The following SMARCA5 variants were observed in gnomAD, a reference collection of about 807,000 sequenced individuals.
SMARCA5 encodes SWI/SNF-related matrix-associated actin-dependent regulator of chromatin subfamily A member 5.
A neutral mutation model predicts 140.4 loss-of-function variants in SMARCA5; 18 were observed. That is an observed-to-expected ratio of 0.13 (90% CI 0.09 to 0.19). The LOEUF (loss-of-function observed/expected upper bound fraction) is 0.19. Among genes scored for constraint, SMARCA5 ranks in the 10% least tolerant of loss-of-function variants. The pLI, the probability that SMARCA5 is intolerant of heterozygous loss-of-function variation, is 1.00. For missense variants in SMARCA5, 606 were observed against 1,276.8 expected, an observed-to-expected ratio of 0.47 and a Z score of 8.01; for synonymous variants, 449 against 419.6, an observed-to-expected ratio of 1.07 and a Z score of -0.86.
chr4:143,535,177 G>C (rs367562641), intron 10 of SMARCA5, among the ~76,000 whole-genome samples: 1 of 152,128 alleles, frequency 6.6e-6, no homozygotes, highest in Admixed American at 6.6e-5. Context: ...AGGATGGAAG[G>C]CTTATGAATC....
At chr4:143,531,124 T>C (rs1737175457) in intron 9 of SMARCA5, among the ~76,000 whole-genome samples, 1 of 152,212 alleles carries the variant, frequency 6.6e-6, no homozygotes, top group Non-Finnish European at 1.5e-5. Flanking sequence ...CCGGCCTTAA[T>C]AGACAAGTTT....
At chr4:143,532,350 C>T (rs1159023687) in intron 9 of SMARCA5, among the ~76,000 whole-genome samples, 2 of 151,938 alleles carry the variant, frequency 1.3e-5, no homozygotes, top group Admixed American at 6.6e-5. Flanking sequence ...ATTTTTTTCC[C>T]CTTATTCCTC....
intron 1 of SMARCA5, among the ~76,000 whole-genome samples, chr4:143,515,556 A>G (rs894456717): frequency 6.6e-6 from 1 of 152,190 alleles, no homozygotes; most frequent in Non-Finnish European, 1.5e-5. Flanking sequence ...CTGCCATCCA[A>G]ACTTTGGAAA....
chr4:143,540,409 G>A lies in SMARCA5; in HGVS notation c.1817G>A (p.Arg606His), dbSNP rs868118261. 2 of 1,612,066 alleles carry A rather than the reference G, an allele frequency of 1.2e-6. No individual in the cohort carries two copies. The highest frequency in any genetic ancestry group is 1.7e-6 in the Non-Finnish European group (2 of 1,178,442). The part of the protein sequence containing the change: ...IGQTKTVRVF[R>H]FITDNTVEER... ...CAGACTAAGACAGTCAGAGTGTTCCGCTTTATAACTGATAACACTGTAGAA... is the reference window on the plus strand; with the variant it reads ...CAGACTAAGACAGTCAGAGTGTTCCACTTTATAACTGATAACACTGTAGAA... The change falls in exon 14 of 24, where the codon CGC becomes CAC. Residue 606 changes from arginine to histidine, a missense_variant. By Grantham distance (29) the Arg-to-His change is conservative (BLOSUM62 0). Around this residue, in one of 10 missense-constraint regions of SMARCA5, gnomAD observed 62 missense variants for 256.6 expected, o/e 0.24. Transcript: ENST00000283131.
In SMARCA5 at chr4:143,519,650, C is replaced by G. The variant is rs72938219; in HGVS notation, c.253-1779C>G. 2.9e-3 allele frequency among the ~76,000 whole-genome samples: 435 copies of G among 152,228 alleles called. 5 individuals are homozygous for G. Among genetic ancestry groups the G allele is most frequent in the African/African-American group, 9.3e-3 (388 of 41,550 alleles). ...AGTTTTCTTCTAAGCAAGAAGCTCCCTTGTCATCTGCTAGTTCTAACCATA... is the reference window on the plus strand; with the variant it reads ...AGTTTTCTTCTAAGCAAGAAGCTCCGTTGTCATCTGCTAGTTCTAACCATA... On this transcript the variant is annotated intron_variant, in intron 2 of 23. Transcript: ENST00000283131.
chr4:143,526,751 C>T (rs1212914234), intron 6 of SMARCA5, among the ~76,000 whole-genome samples: 2 of 151,924 alleles, frequency 1.3e-5, no homozygotes, highest in Non-Finnish European at 2.9e-5. Flanking sequence ...GTAGTCCCAG[C>T]TACTTGGTAG....
Position 143,513,933 on chromosome 4 carries a change from C to A in SMARCA5, c.9C>A (p.Ser3=). ...GACGCAGACGGAACATCATGTCGTC[C>A]GCGGCCGAGCCTCCGCCACCCCCGC... The part of the protein sequence containing the change: MS[S]AAEPPPPPPP... Residue 3 remains serine, a synonymous_variant, in exon 1 of 24, where the codon TCC becomes TCA. Transcript: ENST00000283131. 1 of 1,544,408 alleles carries A rather than the reference C, an allele frequency of 6.5e-7. No homozygotes were observed. Among genetic ancestry groups the A allele is most frequent in the Admixed American group, 1.9e-5 (1 of 52,876 alleles).
Position 143,548,038 on chromosome 4 carries a change from A to G in SMARCA5, c.2883A>G (p.Lys961=). ...GTTTTCTGATTTGTATGCTTCACAA[A>G]CTTGGATTTGACAAAGAAAATGTTT... ...EDRFLICMLH[K]LGFDKENVYD... Residue 961 remains lysine, a synonymous_variant, in exon 22 of 24, where the codon AAA becomes AAG. Coordinates refer to ENST00000283131, the MANE Select transcript of SMARCA5 (RefSeq NM_003601.4). 1.9e-6 allele frequency: 3 copies of G among 1,612,326 alleles called. No homozygotes were observed. The highest frequency in any genetic ancestry group is 2.2e-5 in the South Asian group (2 of 91,026).
chr4:143,531,118 C>T (rs770146795), intron 9 of SMARCA5, among the ~76,000 whole-genome samples: 3 of 152,190 alleles, frequency 2.0e-5, no homozygotes, highest in Non-Finnish European at 4.4e-5. Flanking sequence ...CCACGCCCGG[C>T]CTTAATAGAC....
chr4:143,528,117 G>C, intron 7 of SMARCA5, 94 bp downstream of exon 7: 1 of 900,908 alleles, frequency 1.1e-6, no homozygotes, highest in Non-Finnish European at 1.6e-6. Context: ...TGAGATACAT[G>C]TGCAGAACGT....
chr4:143,536,624 A>G lies in SMARCA5; in HGVS notation c.1441A>G (p.Asn481Asp). 6.2e-7 allele frequency: 1 copy of G among 1,613,852 alleles called. No homozygotes were observed. The highest frequency in any genetic ancestry group is 8.5e-7 in the Non-Finnish European group (1 of 1,179,822). The change falls in exon 11 of 24, where the codon AAC becomes GAC. Residue 481 changes from asparagine to aspartate, a missense_variant. Asn to Asp is a conservative substitution (Grantham distance 23, BLOSUM62 1). Transcript: ENST00000283131. ...PYTTDMHLVTNSGKMVVLDKL... is the reference protein window; with the variant it reads ...PYTTDMHLVTDSGKMVVLDKL... ...TACAACAGATATGCATCTAGTAACC[A>G]ACAGTGGCAAAATGGTGGTTTTAGA...
chr4:143,517,018 A>G (rs544088228), intron 1 of SMARCA5, among the ~76,000 whole-genome samples: 2 of 152,300 alleles, frequency 1.3e-5, no homozygotes, highest in South Asian at 2.1e-4. Flanking sequence ...CACATTTTAT[A>G]CTATTTAGTT....
chr4:143,547,749 A>G (rs966527072), intron 21 of SMARCA5, among the ~76,000 whole-genome samples, 179 bp from the exon 22 acceptor site: 2 of 152,068 alleles, frequency 1.3e-5, no homozygotes, highest in Admixed American at 1.3e-4. Flanking sequence ...ATTTCTCTTT[A>G]TAATAATAAA....
chr4:143,539,245 C>T (rs899794843), intron 13 of SMARCA5, among the ~76,000 whole-genome samples: 1 of 152,100 alleles, frequency 6.6e-6, no homozygotes, highest in African/African-American at 2.4e-5. Context: ...GCCTCCTTGT[C>T]TCTCCACCCC....
chr4:143,527,877 G>T lies in SMARCA5; in HGVS notation c.811G>T (p.Val271Phe). The part of the protein sequence containing the change: ...IGDKEQRAAF[V>F]RDVLLPGEWD... ...TTCTCTTGTTACACAGGCTGCTTTT[G>T]TCAGAGACGTTTTATTACCGGGAGA... The change falls in exon 7 of 24, where the codon GTC becomes TTC. Residue 271 changes from valine to phenylalanine, a missense_variant. Physicochemically the swap from Val to Phe is conservative, Grantham distance 50 (BLOSUM62 -1). Coordinates refer to ENST00000283131, the MANE Select transcript of SMARCA5 (RefSeq NM_003601.4). 6.3e-7 allele frequency: 1 copy of T among 1,592,620 alleles called. No individual in the cohort carries two copies. The highest frequency in any genetic ancestry group is 8.5e-7 in the Non-Finnish European group (1 of 1,174,780).
chr4:143,543,074 A>G (rs1179767788), intron 14 of SMARCA5, among the ~76,000 whole-genome samples: 4 of 152,208 alleles, frequency 2.6e-5, no homozygotes, highest in African/African-American at 4.8e-5. Flanking sequence ...AGTTCTGTGT[A>G]AAGTTTGGCC....
At chr4:143,535,032 T>C (rs1274246998) in intron 10 of SMARCA5, 68 bp downstream of exon 10, 6 of 1,119,642 alleles carry the variant, frequency 5.4e-6, no homozygotes, top group Non-Finnish European at 7.7e-6. Flanking sequence ...TATTTTGTTT[T>C]CCTAATTTGT....
chr4:143,537,626 C>T (rs1267211077), intron 11 of SMARCA5, among the ~76,000 whole-genome samples: 1 of 151,970 alleles, frequency 6.6e-6, no homozygotes, highest in Non-Finnish European at 1.5e-5. Context: ...TTAAACTCTG[C>T]AGGGAAAATG....
chr4:143,556,714 A>G lies in SMARCA5; in HGVS notation c.*3530A>G, dbSNP rs1163500635. ...CAAAGGTGAGGGCATCCCTCAGATG[A>G]CAGATAATGGGCAAAATACATTCTT... On this transcript the variant is annotated 3_prime_UTR_variant, in exon 24 of 24. Coordinates refer to ENST00000283131, the MANE Select transcript of SMARCA5 (RefSeq NM_003601.4). The G allele has an allele frequency of 1.3e-5, 2 of 152,198 alleles. No homozygotes were observed. The highest frequency in any genetic ancestry group is 2.9e-5 in the Non-Finnish European group (2 of 68,032). 9.4% of individuals were successfully genotyped at this position (152,198 alleles called of 1,614,324 possible).
Sources: allele counts gnomAD v4.1 joint callset (sites outside exome capture counted in the v4.1 genomes callset), GRCh38; gene constraint gnomAD v4.1.1; regional missense constraint gnomAD v4.1.1; transcripts MANE v1.5; gene names NCBI Gene and HGNC (gene_info 2026-07-23, HGNC 2026-07-21).